Variants in ANKS6 observed in about 807,000 individuals in gnomAD.
The protein encoded by ANKS6 is ankyrin repeat and SAM domain-containing protein 6.
ANKS6 carries 47 observed loss-of-function variants against 77.9 expected under a neutral mutation model. That is an observed-to-expected ratio of 0.60 (90% CI 0.48 to 0.77). ANKS6 has a LOEUF of 0.77. ANKS6 is among the 30% of genes least tolerant of loss of function. ANKS6 has a pLI of 0.00. For missense variants in ANKS6, 1,150 were observed against 1,159.1 expected, an observed-to-expected ratio of 0.99 and a Z score of 0.11; for synonymous variants, 488 against 501.7, an observed-to-expected ratio of 0.97 and a Z score of 0.37.
intron 5 of ANKS6, among the ~76,000 whole-genome samples, chr9:98,781,536 C>T (rs929167837): frequency 2.6e-5 from 4 of 152,164 alleles, no homozygotes; most frequent in African/African-American, 9.7e-5. Context: ...AGATCACTTC[C>T]CGAGTCTTGG....
rs966194563 is a variant in ANKS6, at chr9:98,732,620, A to G, written c.*3899T>C. 113 of 1,549,006 alleles carry G rather than the reference A, an allele frequency of 7.3e-5. No individual in the cohort carries two copies. Among genetic ancestry groups the G allele is most frequent in the Non-Finnish European group, 9.0e-5 (103 of 1,146,664 alleles). On this transcript the variant is annotated 3_prime_UTR_variant, in exon 15 of 15. Transcript: ENST00000353234. ...ATGAAAGGATTTAAAATGGGCAACC[A>G]TCTTTGAGGTTTCCCACATCTGCAC...
At chr9:98,759,763 T>C (rs1832911710) in intron 11 of ANKS6, among the ~76,000 whole-genome samples, 1 of 152,172 alleles carries the variant, frequency 6.6e-6, no homozygotes, top group Non-Finnish European at 1.5e-5. Flanking sequence ...CACTGCATAC[T>C]CTAACTCATA....
intron 11 of ANKS6, among the ~76,000 whole-genome samples, chr9:98,759,265 G>C (rs1237063717): frequency 6.6e-6 from 1 of 152,100 alleles, no homozygotes; most frequent in African/African-American, 2.4e-5. Flanking sequence ...CCTGTGACTA[G>C]AGACAAAAAA....
chr9:98,763,012 T>C (rs540844717), intron 11 of ANKS6, among the ~76,000 whole-genome samples: 7 of 151,924 alleles, frequency 4.6e-5, no homozygotes, highest in African/African-American at 1.7e-4. Flanking sequence ...AAAGGAGAAA[T>C]AGACCAAACT....
chr9:98,749,438 G>A lies in ANKS6; in HGVS notation c.2394+1591C>T, dbSNP rs148908343. 1.1e-3 allele frequency among the ~76,000 whole-genome samples: 175 copies of A among 152,258 alleles called. 1 individual carries two copies. The highest frequency in any genetic ancestry group is 1.8e-3 in the Non-Finnish European group (125 of 68,030). ...CGTGAACATTCTCGAAGCTCTGTACGTCAGCTGAAACATACCCCCGTTCCC... is the reference window on the plus strand; with the variant it reads ...CGTGAACATTCTCGAAGCTCTGTACATCAGCTGAAACATACCCCCGTTCCC... On this transcript the variant is annotated intron_variant, in intron 13 of 14. Transcript: ENST00000353234.
intron 12 of ANKS6, among the ~76,000 whole-genome samples, chr9:98,755,130 A>G (rs1281075260): frequency 6.6e-6 from 1 of 152,212 alleles, no homozygotes; most frequent in East Asian, 1.9e-4. Context: ...CCAAATAAGG[A>G]GGACACCAGT....
At chr9:98,765,906 T>G (rs1428682951) in intron 11 of ANKS6, among the ~76,000 whole-genome samples, 1 of 152,212 alleles carries the variant, frequency 6.6e-6, no homozygotes, top group Non-Finnish European at 1.5e-5. Flanking sequence ...AAGGTTATCT[T>G]TGAAAAAGCA....
In ANKS6 at chr9:98,771,044, T is replaced by A. The variant is rs1427053211; in HGVS notation, c.1824A>T (p.Thr608=). The part of the protein sequence containing the change: ...HPVGGGGTDT[T]PVRPVKFPSL... ...TTGGAAATTTAACAGGCCTGACGGG[T>A]GTCTACAAGAATAAGGCAGGTGCAG... is the stretch of plus-strand genomic sequence containing the variant. Residue 608 remains threonine, a splice_region_variant and synonymous_variant, in exon 10 of 15, where the codon ACA becomes ACT. Coordinates refer to ENST00000353234, the MANE Select transcript of ANKS6 (RefSeq NM_173551.5). The A allele has an allele frequency of 6.4e-7, 1 of 1,560,004 alleles. No individual in the cohort carries two copies. The highest frequency in any genetic ancestry group is 1.9e-5 in the Admixed American group (1 of 52,870).
chr9:98,742,942 T>C (rs977831860), intron 14 of ANKS6, among the ~76,000 whole-genome samples: 1 of 152,224 alleles, frequency 6.6e-6, no homozygotes, highest in Non-Finnish European at 1.5e-5. Context: ...GGGCTCAAGA[T>C]GTCATGTCAT....
chr9:98,772,475 C>T (rs1466225195), intron 9 of ANKS6, among the ~76,000 whole-genome samples: 1 of 152,154 alleles, frequency 6.6e-6, no homozygotes, highest in Non-Finnish European at 1.5e-5. Flanking sequence ...TTGTTTTAAG[C>T]CATGCAGTTT....
chr9:98,784,486 T>C (rs1834457694), intron 3 of ANKS6: 2 of 398,046 alleles, frequency 5.0e-6, no homozygotes, highest in Non-Finnish European at 8.9e-6. Flanking sequence ...GGGAAGGGCT[T>C]CCTGGAAGCA....
chr9:98,756,050 G>C (rs1034320456), intron 12 of ANKS6, among the ~76,000 whole-genome samples: 1 of 152,068 alleles, frequency 6.6e-6, no homozygotes, highest in Non-Finnish European at 1.5e-5. Context: ...GAAATGTCAG[G>C]TTTCATTTTT....
Position 98,796,205 on chromosome 9 carries a change from A to T in ANKS6, c.287T>A (p.Phe96Tyr). ...AAGGHEPLVR[F>Y]LLRRGASVNS... ...GACCGAGGCACCGCGGCGCAGCAGG[A>T]AGCGCACCAGCGGTTCGTGGCCCCC... The change falls in exon 1 of 15, where the codon TTC becomes TAC. Residue 96 changes from phenylalanine to tyrosine, a missense_variant. Phe to Tyr is a conservative substitution (Grantham distance 22, BLOSUM62 3). Transcript: ENST00000353234. The T allele has an allele frequency of 4.2e-6, 6 of 1,417,944 alleles. No homozygotes were observed. Among genetic ancestry groups the T allele is most frequent in the Non-Finnish European group, 5.5e-6 (6 of 1,085,356 alleles). 87.8% of individuals were successfully genotyped at this position (1,417,944 alleles called of 1,614,324 possible).
chr9:98,756,533 G>T lies in ANKS6; in HGVS notation c.2213C>A (p.Thr738Lys), dbSNP rs755865609. 8.1e-6 allele frequency: 13 copies of T among 1,602,104 alleles called. No individual in the cohort carries two copies. The highest frequency in any genetic ancestry group is 1.1e-5 in the Non-Finnish European group (13 of 1,175,386). Residue 738 changes from threonine to lysine, a missense_variant, in exon 12 of 15, where the codon ACG becomes AAG. Thr to Lys is a moderately conservative substitution (Grantham distance 78). Transcript: ENST00000353234. ...TTSKSTSPTL[T>K]PSPSPKGHTA... ...GTGCCCTTTGGGTGAGGGGGAGGGC[G>T]TGAGGGTTGGAGAGGTGCTCTTGGA... is the stretch of plus-strand genomic sequence containing the variant.
At chr9:98,770,786 C>A in intron 10 of ANKS6, 110 bp downstream of exon 10, 1 of 1,155,574 alleles carries the variant, frequency 8.7e-7, no homozygotes, top group Non-Finnish European at 1.1e-6. Flanking sequence ...GAAAGTGCCT[C>A]TTGCGTGGTC....
chr9:98,784,320 T>C (rs1564220517), intron 3 of ANKS6, 163 bp from the exon 4 acceptor site: 1 of 577,328 alleles, frequency 1.7e-6, no homozygotes, highest in Non-Finnish European at 2.9e-6. Flanking sequence ...TAGCCCCGAC[T>C]CTTAAATGCC....
chr9:98,768,479 C>T (rs1029205616), intron 10 of ANKS6, among the ~76,000 whole-genome samples: 1 of 152,178 alleles, frequency 6.6e-6, no homozygotes, highest in African/African-American at 2.4e-5. Flanking sequence ...AGGTGGGAAG[C>T]AGCAGCAAAG....
intron 9 of ANKS6, 104 bp downstream of exon 9, chr9:98,773,773 G>T: frequency 2.8e-6 from 3 of 1,088,606 alleles, no homozygotes; most frequent in Admixed American, 3.2e-5. Context: ...AAAAAAAGTT[G>T]CAACCCCTCT....
rs569835059 is a variant in ANKS6, at chr9:98,786,362, G to A, written c.863-1486C>T. The stretch of plus-strand genomic sequence containing the variant: ...GCTAGAGGGCAGTGGTGAGATCTAG[G>A]CTCACTGCAACCTCTGCCTCCCGGG... On this transcript the variant is annotated intron_variant, in intron 2 of 14. Transcript: ENST00000353234. Among the ~76,000 whole-genome samples the A allele has an allele frequency of 5.3e-5, 8 of 151,562 alleles. No individual in the cohort carries two copies. In the South Asian group the frequency reaches 1.7e-3, roughly 32 times the overall value.
Sources: gnomAD v4.1 joint callset for allele counts (sites outside exome capture counted in the v4.1 genomes callset) on GRCh38, gnomAD v4.1.1 for gene constraint, MANE v1.5 for transcripts, NCBI Gene and HGNC (gene_info 2026-07-23, HGNC 2026-07-21) for gene names.